FAM20A: variants seen among roughly 807,000 people sequenced by gnomAD.
FAM20A encodes FAM20A golgi associated secretory pathway pseudokinase.
In FAM20A, 42 loss-of-function variants were observed where a neutral mutation model predicts 52.0. The observed-to-expected ratio is 0.81, with a 90% confidence interval of 0.63 to 1.04. FAM20A has a LOEUF of 1.04. Among genes scored for constraint, FAM20A ranks in the 50% least tolerant of loss-of-function variants. FAM20A has a pLI of 0.00. For synonymous variants in FAM20A, 304 were observed against 298.9 expected (o/e 1.02, Z -0.18); for missense variants, 742 against 712.7 (o/e 1.04, Z -0.47).
chr17:68,562,119 C>G (rs987390149), intron 1 of FAM20A, among the ~76,000 whole-genome samples: 1 of 152,204 alleles, frequency 6.6e-6, no homozygotes, highest in Non-Finnish European at 1.5e-5. Context: ...CCACCACGCC[C>G]GGCCCCCAGT....
At chr17:68,597,501 C>T (rs1163365260) in intron 1 of FAM20A, among the ~76,000 whole-genome samples, 1 of 152,074 alleles carries the variant, frequency 6.6e-6, no homozygotes, top group Non-Finnish European at 1.5e-5. Context: ...TCTTCTGCCG[C>T]AGCCTCCTGA....
At chr17:68,551,718 TA>T (rs2086845584) in intron 4 of FAM20A, among the ~76,000 whole-genome samples, 154 bp downstream of exon 4, 1 of 138,822 alleles carries the variant, frequency 7.2e-6, no homozygotes, top group South Asian at 2.1e-4. Flanking sequence ...TTATTATTAT[TA>T]TTATTATCAC....
intron 1 of FAM20A, among the ~76,000 whole-genome samples, chr17:68,582,122 AG>A (rs2088023678): frequency 1.3e-5 from 2 of 152,168 alleles, no homozygotes; most frequent in South Asian, 4.1e-4. Flanking sequence ...CTGTTTAACC[AG>A]TTTAATAAAT....
intron 1 of FAM20A, among the ~76,000 whole-genome samples, chr17:68,568,196 G>A (rs1455575272): frequency 2.0e-5 from 3 of 151,936 alleles, no homozygotes; most frequent in South Asian, 2.1e-4. Context: ...ACGGCTGGGC[G>A]CAGTGGCTCA....
intron 1 of FAM20A, among the ~76,000 whole-genome samples, chr17:68,596,079 T>A (rs946631075): frequency 6.6e-6 from 1 of 152,220 alleles, no homozygotes; most frequent in African/African-American, 2.4e-5. Flanking sequence ...CTGTCATTTT[T>A]GAAAAGCTGC....
intron 1 of FAM20A, among the ~76,000 whole-genome samples, chr17:68,576,594 C>T (rs1221635335): frequency 6.6e-6 from 1 of 152,208 alleles, no homozygotes; most frequent in Non-Finnish European, 1.5e-5. Flanking sequence ...TGTGAGGGTG[C>T]TCAGTCTGGG....
intron 1 of FAM20A, among the ~76,000 whole-genome samples, chr17:68,585,690 C>T (rs1272215085): frequency 6.6e-6 from 1 of 152,196 alleles, no homozygotes; most frequent in East Asian, 1.9e-4. Flanking sequence ...GCCCTTTCCT[C>T]TGGAGCCTCA....
intron 1 of FAM20A, among the ~76,000 whole-genome samples, chr17:68,568,325 AGGC>A (rs1224645377): frequency 2.6e-5 from 4 of 151,536 alleles, no homozygotes; most frequent in African/African-American, 9.8e-5. Context: ...AAAATTAGCT[AGGC>A]GTGGTGGTGG....
intron 1 of FAM20A, among the ~76,000 whole-genome samples, chr17:68,579,686 G>T (rs937820415): frequency 6.6e-6 from 1 of 152,148 alleles, no homozygotes; most frequent in Non-Finnish European, 1.5e-5. Flanking sequence ...GGTCAGTAGG[G>T]ATTCTGCTCC....
chr17:68,581,420 C>CTTTCTTTCTT (rs1299176126), intron 1 of FAM20A, among the ~76,000 whole-genome samples: 2 of 47,844 alleles, frequency 4.2e-5, no homozygotes, highest in African/African-American at 7.8e-5. Flanking sequence ...CTTTCTTTTT[C>CTTTCTTTCTT]TCTTTTCTTT....
intron 3 of FAM20A, among the ~76,000 whole-genome samples, chr17:68,554,183 T>G (rs1444214083): frequency 6.6e-6 from 1 of 151,854 alleles, no homozygotes; most frequent in Non-Finnish European, 1.5e-5. Context: ...TAGGCTGGAG[T>G]GCAGTGGCAC....
At chr17:68,559,757 G>A (rs147654664) in intron 1 of FAM20A, among the ~76,000 whole-genome samples, 2 of 152,138 alleles carry the variant, frequency 1.3e-5, no homozygotes, top group African/African-American at 4.8e-5. Context: ...AATGTTGCTG[G>A]TGTTTTTCCC....
chr17:68,565,197 A>G (rs1213822851), intron 1 of FAM20A, among the ~76,000 whole-genome samples: 1 of 152,042 alleles, frequency 6.6e-6, no homozygotes, highest in Admixed American at 6.6e-5. Flanking sequence ...ATCCTCTCCA[A>G]TGGGTGTTAC....
chr17:68,582,449 C>T (rs2088034159), intron 1 of FAM20A: 1 of 152,212 alleles, frequency 6.6e-6, no homozygotes, highest in Non-Finnish European at 1.5e-5. Context: ...GGTGCCTTTC[C>T]CTGACAACAG....
At chr17:68,562,619 C>CCT (rs1555826969) in intron 1 of FAM20A, among the ~76,000 whole-genome samples, 1 of 151,962 alleles carries the variant, frequency 6.6e-6, no homozygotes, top group African/African-American at 2.4e-5. Flanking sequence ...CATCCCCCCC[C>CCT]CTTTTTATTT....
intron 3 of FAM20A, among the ~76,000 whole-genome samples, chr17:68,553,872 A>G (rs1317677797): frequency 1.3e-5 from 2 of 149,404 alleles, no homozygotes; most frequent in Non-Finnish European, 3.0e-5. Flanking sequence ...ATATACACAC[A>G]TGCATATATA....
rs1362831062 is a variant in FAM20A at position 68,600,433 on chromosome 17, A to G, written c.234T>C (p.Thr78=). ...VHNFSRTEPR[T]EPAGGSHSGS... ...CGCTGTGGCTGCCGCCAGCCGGTTC[A>G]GTCCGGGGCTCGGTTCGGGAAAAGT... The change falls in exon 1 of 11, where the codon ACT becomes ACC. Residue 78 remains threonine (T), a synonymous_variant. Coordinates refer to ENST00000592554, the MANE Select transcript of FAM20A (RefSeq NM_017565.4). This position sits in a 1 kb window ranked among gnomAD's most constrained non-coding sequence, Gnocchi z 6.2. 1 of 1,611,222 alleles carries G rather than the reference A, an allele frequency of 6.2e-7. No individual in the cohort carries two copies. Among genetic ancestry groups the G allele is most frequent in the African/African-American group, 1.3e-5 (1 of 74,856 alleles).
Position 68,536,532 on chromosome 17 carries a change from C to G in FAM20A, c.*945G>C, listed in dbSNP as rs1271179435. 3 of 453,990 alleles carry G rather than the reference C, an allele frequency of 6.6e-6. No homozygotes were observed. The highest frequency in any genetic ancestry group is 1.6e-5 in the South Asian group (1 of 64,476). The allele number at this position is 453,990 out of a possible 1,614,324, so 28.1% of individuals were successfully genotyped here. ...TTAGTCTTTTTTGAGCCAGCCGTCA[C>G]AGGGAGGGGCATCTAGAGGGCCTCA... On this transcript the variant is annotated 3_prime_UTR_variant, in exon 11 of 11. Coordinates refer to ENST00000592554, the MANE Select transcript of FAM20A (RefSeq NM_017565.4).
chr17:68,560,465 G>A (rs1405812191), intron 1 of FAM20A, among the ~76,000 whole-genome samples: 1 of 152,088 alleles, frequency 6.6e-6, no homozygotes, highest in Non-Finnish European at 1.5e-5. Flanking sequence ...TCTGCTGGTG[G>A]CTTAATCTTG....
Sources: gnomAD v4.1 joint callset for allele counts (sites outside exome capture counted in the v4.1 genomes callset) on GRCh38, gnomAD v4.1.1 for gene constraint, Gnocchi (gnomAD v3.1) non-coding constraint, MANE v1.5 for transcripts, NCBI Gene and HGNC (gene_info 2026-07-23, HGNC 2026-07-21) for gene names.